The following AGAP1 variants were observed in gnomAD, a reference collection of about 807,000 sequenced individuals.
AGAP1 encodes the protein ArfGAP with GTPase domain, ankyrin repeat and PH domain 1, also known as arf-GAP with GTPase, ANK repeat and PH domain-containing protein 1.
Under a neutral mutation model 105.3 loss-of-function variants are expected in AGAP1, and 29 were observed. The ratio of observed to expected loss-of-function variants is 0.28; its 90% confidence interval spans 0.21 to 0.38. The LOEUF is 0.38. AGAP1 is among the 10% of genes least tolerant of loss of function. The pLI is 1.00. For missense variants in AGAP1, 998 were observed against 1,165.1 expected, an observed-to-expected ratio of 0.86 and a Z score of 2.09; for synonymous variants, 509 against 485.9, an observed-to-expected ratio of 1.05 and a Z score of -0.63.
chr2:235,738,171 G>A (rs1421039462), intron 3 of AGAP1, among the ~76,000 whole-genome samples: 1 of 152,108 alleles, frequency 6.6e-6, no homozygotes, highest in Non-Finnish European at 1.5e-5. Flanking sequence ...TAGCAAAGAA[G>A]TGTGGGTGAT....
At chr2:235,617,499 C>T (rs1946344884) in intron 1 of AGAP1, among the ~76,000 whole-genome samples, 1 of 152,092 alleles carries the variant, frequency 6.6e-6, no homozygotes, top group Non-Finnish European at 1.5e-5. Context: ...GTCAGGAGTT[C>T]CAGACTAGCC....
chr2:235,713,505 C>T (rs574303157), intron 2 of AGAP1, among the ~76,000 whole-genome samples: 1 of 152,360 alleles, frequency 6.6e-6, no homozygotes, highest in African/African-American at 2.4e-5. Flanking sequence ...CTGCCTTGGG[C>T]TCTGCATTAC....
Position 235,717,581 on chromosome 2 carries a change from G to T in AGAP1, c.247G>T (p.Gly83Cys), listed in dbSNP as rs201400274. The change falls in exon 3 of 18, where the codon GGC (glycine) becomes TGC (cysteine). Residue 83 changes from glycine (G) to cysteine (C), a missense_variant. Physicochemically the swap from Gly to Cys is radical, Grantham distance 159 (BLOSUM62 -3). Transcript: ENST00000304032. ...KVGIVGNLAS[G>C]KSALVHRYLT... ...GGGAATTGTGGGTAACTTGGCCAGC[G>T]GCAAGTCTGCCCTGGTGCACCGGTA... 1 of 1,600,638 alleles carries T rather than the reference G, an allele frequency of 6.2e-7. No individual in the cohort carries two copies. The highest frequency in any genetic ancestry group is 8.5e-7 in the Non-Finnish European group (1 of 1,176,728).
intron 10 of AGAP1, among the ~76,000 whole-genome samples, chr2:235,884,366 A>G (rs1393784651): frequency 6.6e-6 from 1 of 152,100 alleles, no homozygotes; most frequent in Non-Finnish European, 1.5e-5. Flanking sequence ...AATATGTAAT[A>G]GAATGTAAAT....
intron 4 of AGAP1, among the ~76,000 whole-genome samples, chr2:235,743,320 A>T (rs1425379841): frequency 6.6e-6 from 1 of 152,170 alleles, no homozygotes; most frequent in African/African-American, 2.4e-5. Context: ...CTCCGGGTGG[A>T]TGCTCAGATG....
chr2:235,917,861 CTGTT>C (rs1353316093), intron 11 of AGAP1, among the ~76,000 whole-genome samples: 1 of 152,162 alleles, frequency 6.6e-6, no homozygotes, highest in African/African-American at 2.4e-5. Context: ...CCCGCAGAGG[CTGTT>C]TATCAAAACT....
intron 8 of AGAP1, among the ~76,000 whole-genome samples, chr2:235,800,544 C>T (rs1026621569): frequency 1.3e-5 from 2 of 152,234 alleles, no homozygotes; most frequent in Admixed American, 6.5e-5. Context: ...CACAGTTGAG[C>T]CGCAAACTCC....
Position 235,557,864 on chromosome 2 carries a change from T to A in AGAP1, c.163+63015T>A, listed in dbSNP as rs999614886. On this transcript the variant is annotated intron_variant, in intron 1 of 17. Coordinates refer to ENST00000304032, the MANE Select transcript of AGAP1 (RefSeq NM_001037131.3). The surrounding 1 kb of genome is among the most constrained non-coding windows in gnomAD (Gnocchi z 4.7). ...TAGATTCACAGTTAACTGTTGATGC[T>A]TAAATGACATTTGAGGAACCTATTG... Among the ~76,000 whole-genome samples the A allele has an allele frequency of 6.6e-6, 1 of 152,248 alleles. No homozygotes were observed. The highest frequency in any genetic ancestry group is 2.4e-5 in the African/African-American group (1 of 41,470).
intron 9 of AGAP1, among the ~76,000 whole-genome samples, chr2:235,878,055 C>T (rs553461923): frequency 2.0e-5 from 3 of 152,186 alleles, no homozygotes; most frequent in East Asian, 1.9e-4. Context: ...CCACGGTGCC[C>T]GTGGAAACCC....
chr2:236,043,329 A>G (rs569384292), intron 15 of AGAP1, among the ~76,000 whole-genome samples: 92 of 152,364 alleles, frequency 6.0e-4, no homozygotes, highest in Non-Finnish European at 1.2e-3. Context: ...TGTTCATCAC[A>G]GTGCTTTACA....
chr2:235,894,872 G>A (rs560499357), intron 10 of AGAP1, among the ~76,000 whole-genome samples: 21 of 152,302 alleles, frequency 1.4e-4, no homozygotes, highest in African/African-American at 4.1e-4. Flanking sequence ...TGCCCCACCC[G>A]CTTCCATGTT....
At chr2:235,820,675 A>G (rs1248849801) in intron 9 of AGAP1, among the ~76,000 whole-genome samples, 3 of 152,238 alleles carry the variant, frequency 2.0e-5, no homozygotes, top group African/African-American at 7.2e-5. Flanking sequence ...TGTACATAAA[A>G]ATTAATTTTA....
At position 235,578,347 on chromosome 2, in the gene AGAP1, C is replaced by T. The variant is rs1263266832; in HGVS notation, c.163+83498C>T. Among the ~76,000 whole-genome samples, 1 of 152,202 alleles carries T rather than the reference C, an allele frequency of 6.6e-6. No individual in the cohort carries two copies. Among genetic ancestry groups the T allele is most frequent in the African/African-American group, 2.4e-5 (1 of 41,454 alleles). On this transcript the variant is annotated intron_variant, in intron 1 of 17. Coordinates refer to ENST00000304032, the MANE Select transcript of AGAP1 (RefSeq NM_001037131.3). The surrounding 1 kb of genome is among the most constrained non-coding windows in gnomAD (Gnocchi z 4.9). Reference sequence around the variant, plus strand: ...AATGCCTGTTCCCCTTACCTGCCCCCAGGTGTCCTGGGAGAAGTCAGTGAC... The same window carrying T: ...AATGCCTGTTCCCCTTACCTGCCCCTAGGTGTCCTGGGAGAAGTCAGTGAC...
chr2:236,005,023 G>C lies in AGAP1; in HGVS notation c.1646-31538G>C, dbSNP rs1228215065. 1.3e-5 allele frequency among the ~76,000 whole-genome samples: 2 copies of C among 152,170 alleles called. No individual in the cohort carries two copies. Among genetic ancestry groups the C allele is most frequent in the African/African-American group, 4.8e-5 (2 of 41,448 alleles). On this transcript the variant is annotated intron_variant, in intron 13 of 17. Coordinates refer to ENST00000304032, the MANE Select transcript of AGAP1 (RefSeq NM_001037131.3). This position sits in a 1 kb window ranked among gnomAD's most constrained non-coding sequence, Gnocchi z 4.1. ...TATTAGAGTGTATTTGATAGACTTT[G>C]TTTTCTAGGAAAGCTTTAGACTTTT... is the stretch of plus-strand genomic sequence containing the variant.
At chr2:235,506,526 A>G (rs888314806) in intron 1 of AGAP1, among the ~76,000 whole-genome samples, 1 of 152,158 alleles carries the variant, frequency 6.6e-6, no homozygotes, top group African/African-American at 2.4e-5. Flanking sequence ...CTCAAAAAAA[A>G]AAAAAATTGA....
At chr2:236,081,989 G>A (rs1282842372) in intron 16 of AGAP1, among the ~76,000 whole-genome samples, 2 of 152,158 alleles carry the variant, frequency 1.3e-5, no homozygotes, top group African/African-American at 2.4e-5. Flanking sequence ...GAAATTTAGA[G>A]ACAGGAAATA....
At chr2:235,949,338 T>C (rs1452111758) in intron 12 of AGAP1, among the ~76,000 whole-genome samples, 1 of 152,150 alleles carries the variant, frequency 6.6e-6, no homozygotes, top group Non-Finnish European at 1.5e-5. Context: ...CCATGATAAT[T>C]TTTTTTCTGG....
At chr2:235,738,032 A>G (rs1952353140) in intron 3 of AGAP1, among the ~76,000 whole-genome samples, 1 of 152,012 alleles carries the variant, frequency 6.6e-6, no homozygotes, top group Non-Finnish European at 1.5e-5. Flanking sequence ...AGAGGAGCAC[A>G]TGTGGGGCTC....
chr2:236,055,545 C>T lies in AGAP1; in HGVS notation c.2114+6264C>T, dbSNP rs540369118. 1.3e-5 allele frequency among the ~76,000 whole-genome samples: 2 copies of T among 152,236 alleles called. No homozygotes were observed. The highest frequency in any genetic ancestry group is 2.4e-5 in the African/African-American group (1 of 41,468). On this transcript the variant is annotated intron_variant, in intron 16 of 17. Transcript: ENST00000304032. This position sits in a 1 kb window ranked among gnomAD's most constrained non-coding sequence, Gnocchi z 6.2. ...AACTCAAAGTGAATTTCTGTCACCGCGGCGTGCTTGTCAGTGGGCCTGCCC... is the reference window on the plus strand; with the variant it reads ...AACTCAAAGTGAATTTCTGTCACCGTGGCGTGCTTGTCAGTGGGCCTGCCC...
Sources: allele counts gnomAD v4.1 joint callset (sites outside exome capture counted in the v4.1 genomes callset), GRCh38; gene constraint gnomAD v4.1.1; non-coding constraint Gnocchi (gnomAD v3.1); transcripts MANE v1.5; gene names NCBI Gene and HGNC (gene_info 2026-07-23, HGNC 2026-07-21).